HIVEP1: variants seen among roughly 807,000 people sequenced by gnomAD.
HIVEP1 encodes the protein zinc finger protein 40.
HIVEP1 carries 36 observed loss-of-function variants against 180.0 expected under a neutral mutation model. The observed-to-expected ratio is 0.20, with a 90% CI of 0.15 to 0.26. HIVEP1 has a LOEUF of 0.26. Among genes scored for constraint, HIVEP1 ranks in the 10% least tolerant of loss-of-function variants. The pLI, the probability that HIVEP1 is intolerant of heterozygous loss-of-function variation, is 1.00. For synonymous variants in HIVEP1, 1,239 were observed against 1,239.0 expected, an observed-to-expected ratio of 1.00 and a Z score of 0.00; for missense variants, 3,143 against 3,268.7, an observed-to-expected ratio of 0.96 and a Z score of 0.94.
intron 2 of HIVEP1, among the ~76,000 whole-genome samples, chr6:12,047,920 C>G (rs1482806329): frequency 6.6e-6 from 1 of 152,206 alleles, no homozygotes; most frequent in African/African-American, 2.4e-5. Context: ...CTTTTCAGAG[C>G]AGTACCCTCC....
At chr6:12,185,503 G>A in the HIVEP1 span, among the ~76,000 whole-genome samples, 50 of 152,202 alleles carry the variant, frequency 3.3e-4, no homozygotes, top group Non-Finnish European at 6.2e-4. Context: ...AGGGGCACTG[G>A]CGTTCTGACC....
intron 7 of HIVEP1, among the ~76,000 whole-genome samples, chr6:12,137,258 T>C (rs1758756016): frequency 6.6e-6 from 1 of 152,248 alleles, no homozygotes; most frequent in Non-Finnish European, 1.5e-5. Context: ...TATACTCATG[T>C]ATATCTTCTT....
intron 2 of HIVEP1, chr6:12,038,163 A>AT (rs1400521043): frequency 1.8e-5 from 3 of 167,066 alleles, no homozygotes; most frequent in Non-Finnish European, 3.8e-5. Flanking sequence ...GCAAGGAACA[A>AT]TAGTTATTCG....
At chr6:12,141,186 A>G (rs1285561633) in intron 7 of HIVEP1, among the ~76,000 whole-genome samples, 1 of 152,182 alleles carries the variant, frequency 6.6e-6, no homozygotes, top group Non-Finnish European at 1.5e-5. Flanking sequence ...CAGAAACTCT[A>G]CAAGCCAGAA....
chr6:12,201,523 G>T, the HIVEP1 span, among the ~76,000 whole-genome samples: 1 of 146,924 alleles, frequency 6.8e-6, no homozygotes, highest in Non-Finnish European at 1.5e-5. Context: ...ACATTTTTTT[G>T]AACATGTATA....
chr6:12,097,019 G>T (rs895938868), intron 3 of HIVEP1, among the ~76,000 whole-genome samples: 2 of 152,054 alleles, frequency 1.3e-5, no homozygotes, highest in Non-Finnish European at 2.9e-5. Flanking sequence ...ATGGCTAGAG[G>T]AAAGGCTAGT....
chr6:12,011,976 T>A (rs962357581), upstream of HIVEP1: 1 of 101,950 alleles, frequency 9.8e-6, no homozygotes, highest in South Asian at 3.2e-4. Context: ...TCGCCCTGCC[T>A]CCCCCGCGCC....
chr6:12,191,124 A>C, the HIVEP1 span, among the ~76,000 whole-genome samples: 1 of 152,240 alleles, frequency 6.6e-6, no homozygotes, highest in Non-Finnish European at 1.5e-5. Context: ...AATACCAGTA[A>C]TAGTATTTTA....
At chr6:12,197,625 G>T in the HIVEP1 span, among the ~76,000 whole-genome samples, 1 of 151,828 alleles carries the variant, frequency 6.6e-6, no homozygotes, top group African/African-American at 2.4e-5. Flanking sequence ...AGGAAACAAG[G>T]TGGGAAGGGT....
At position 12,114,896 on chromosome 6, in the gene HIVEP1, T is replaced by G. The variant is rs777950704; in HGVS notation, c.95-4994T>G. Among the ~76,000 whole-genome samples, 7 of 152,352 alleles carry G rather than the reference T, an allele frequency of 4.6e-5. No individual in the cohort carries two copies. In the South Asian group the frequency reaches 6.2e-4, roughly 14 times the overall value. ...TTCTGAATGGCCTCCTGGTCTGATC[T>G]CTTGACCTTCTGGCCGAGCATGATC... On this transcript the variant is annotated intron_variant, in intron 3 of 8. Coordinates refer to ENST00000379388, the MANE Select transcript of HIVEP1 (RefSeq NM_002114.4).
At chr6:12,186,156 G>A in the HIVEP1 span, among the ~76,000 whole-genome samples, 1 of 151,682 alleles carries the variant, frequency 6.6e-6, no homozygotes, top group Admixed American at 6.6e-5. Context: ...TCATCAACTA[G>A]TGATCAGATA....
chr6:12,054,415 T>C (rs1268381682), intron 2 of HIVEP1, among the ~76,000 whole-genome samples: 1 of 152,232 alleles, frequency 6.6e-6, no homozygotes, highest in African/African-American at 2.4e-5. Context: ...TTTATATGTA[T>C]ACATATGGAT....
intron 7 of HIVEP1, among the ~76,000 whole-genome samples, chr6:12,150,393 A>G (rs1397318724): frequency 6.6e-6 from 1 of 152,242 alleles, no homozygotes; most frequent in African/African-American, 2.4e-5. Context: ...GAACCGTTTA[A>G]TATGACGAAG....
intron 2 of HIVEP1, among the ~76,000 whole-genome samples, chr6:12,032,434 G>T (rs1450689287): frequency 6.6e-6 from 1 of 151,984 alleles, no homozygotes; most frequent in East Asian, 1.9e-4. Context: ...GAGCCACCGC[G>T]CCCGGCCATG....
chr6:12,058,401 C>T (rs1195716257), intron 2 of HIVEP1, among the ~76,000 whole-genome samples: 1 of 152,084 alleles, frequency 6.6e-6, no homozygotes, highest in African/African-American at 2.4e-5. Context: ...AGTTCCACTC[C>T]CAAGTTGGCT....
chr6:12,205,380 AGAACGGCGT>A, the HIVEP1 span, among the ~76,000 whole-genome samples: 2 of 152,088 alleles, frequency 1.3e-5, no homozygotes, highest in Admixed American at 1.3e-4. Context: ...CTGAAGCAGG[AGAACGGCGT>A]GAACCCGGGA....
chr6:12,203,227 T>A, the HIVEP1 span, among the ~76,000 whole-genome samples: 1 of 152,224 alleles, frequency 6.6e-6, no homozygotes, highest in South Asian at 2.1e-4. Flanking sequence ...ATATGGTAGC[T>A]TCGCTTTACA....
At chr6:12,114,506 C>G (rs1340207352) in intron 3 of HIVEP1, among the ~76,000 whole-genome samples, 1 of 152,102 alleles carries the variant, frequency 6.6e-6, no homozygotes, top group East Asian at 1.9e-4. Flanking sequence ...GACCTCCCCT[C>G]TCCACAGCAT....
chr6:12,163,377 C>A lies in HIVEP1; in HGVS notation c.7073C>A (p.Pro2358His). 9 of 1,614,188 alleles carry A rather than the reference C, an allele frequency of 5.6e-6. No homozygotes were observed. Among genetic ancestry groups the A allele is most frequent in the Non-Finnish European group, 6.8e-6 (8 of 1,180,030 alleles). Reference protein sequence around the residue: ...MPSVASPHPDPQEQKQQITLQ... With the variant: ...MPSVASPHPDHQEQKQQITLQ... ...TCTGTGGCCTCACCACATCCTGACCCTCAAGAACAGAAGCAGCAAATAACT... is the reference window on the plus strand; with the variant it reads ...TCTGTGGCCTCACCACATCCTGACCATCAAGAACAGAAGCAGCAAATAACT... The change falls in exon 9 of 9, where the codon CCT (proline) becomes CAT (histidine). Residue 2358 changes from proline (P) to histidine (H), a missense_variant. Pro to His is a moderately conservative substitution (Grantham distance 77, BLOSUM62 -2). Coordinates refer to ENST00000379388, the MANE Select transcript of HIVEP1 (RefSeq NM_002114.4).
Sources: allele counts gnomAD v4.1 joint callset (sites outside exome capture counted in the v4.1 genomes callset), GRCh38; gene constraint gnomAD v4.1.1; transcripts MANE v1.5; gene names NCBI Gene and HGNC (gene_info 2026-07-23, HGNC 2026-07-21).